Variants in NDEL1 observed in about 807,000 individuals in gnomAD.
NDEL1 encodes nuclear distribution protein nudE-like 1.
In NDEL1, 9 loss-of-function variants were observed where a neutral mutation model predicts 45.7. The ratio of observed to expected loss-of-function variants is 0.20; its 90% CI spans 0.12 to 0.34. NDEL1 has a LOEUF of 0.34. Ranked by LOEUF, NDEL1 falls within the 10% of genes least tolerant of loss-of-function variation. The probability of loss-of-function intolerance (pLI) is 1.00; values close to 1 mark genes in which losing one functional copy is unlikely to be tolerated. For synonymous variants in NDEL1, 133 were observed against 158.6 expected, an observed-to-expected ratio of 0.84 and a Z score of 1.21; for missense variants, 306 against 406.2, an observed-to-expected ratio of 0.75 and a Z score of 2.12.
At chr17:8,461,985 G>A (rs1389378518) in intron 8 of NDEL1, among the ~76,000 whole-genome samples, 1 of 151,966 alleles carries the variant, frequency 6.6e-6, no homozygotes, top group African/African-American at 2.4e-5. Flanking sequence ...ACTCCTGCCC[G>A]CCACTTGCCT....
chr17:8,472,635 C>T (rs907356299), downstream of NDEL1, among the ~76,000 whole-genome samples: 4 of 152,064 alleles, frequency 2.6e-5, no homozygotes, highest in African/African-American at 4.8e-5. Flanking sequence ...TGCGCTCCAG[C>T]CTGGGAGACA....
chr17:8,457,714 C>T (rs1910930362), intron 7 of NDEL1, among the ~76,000 whole-genome samples: 1 of 152,142 alleles, frequency 6.6e-6, no homozygotes, highest in South Asian at 2.1e-4. Context: ...TGTAGCCATT[C>T]CTCCTTTTTG....
chr17:8,433,908 T>C (rs1308344564), upstream of NDEL1, among the ~76,000 whole-genome samples: 1 of 152,224 alleles, frequency 6.6e-6, no homozygotes, highest in Non-Finnish European at 1.5e-5. Context: ...ATGTAATATG[T>C]TACCTTTCCC....
chr17:8,414,394 G>A (rs1449840727), intron 1 of NDEL1, among the ~76,000 whole-genome samples: 5 of 152,166 alleles, frequency 3.3e-5, no homozygotes, highest in South Asian at 2.1e-4. Context: ...ATGGCCGGGC[G>A]CGGTGGCTCA....
chr17:8,452,419 G>A (rs943799707), intron 6 of NDEL1, among the ~76,000 whole-genome samples: 2 of 152,054 alleles, frequency 1.3e-5, no homozygotes, highest in Non-Finnish European at 2.9e-5. Context: ...GCTGTGGCAC[G>A]GCATGAGGTG....
At chr17:8,444,808 G>A (rs1473851378) in intron 2 of NDEL1, 2 of 152,362 alleles carry the variant, frequency 1.3e-5, no homozygotes. Flanking sequence ...CAGGGGCATG[G>A]AACGTTTTAT....
chr17:8,460,080 A>G lies in NDEL1; in HGVS notation c.864A>G (p.Ser288=). Residue 288 remains serine (S), a synonymous_variant, in exon 8 of 9, where the codon TCA becomes TCG. Transcript: ENST00000334527. ...KDQASRKSYI[S]GNVNCGVLNG... is the part of the protein sequence containing the mutation. ...AAGCATCACGAAAATCCTATATTTC[A>G]GGGAATGTTAACTGTGGGGTGCTGA... 1.2e-6 allele frequency: 2 copies of G among 1,614,200 alleles called. No homozygotes were observed. The highest frequency in any genetic ancestry group is 1.7e-6 in the Non-Finnish European group (2 of 1,180,036).
At chr17:8,424,935 G>A (rs1268973373) in intron 1 of NDEL1, among the ~76,000 whole-genome samples, 1 of 152,170 alleles carries the variant, frequency 6.6e-6, no homozygotes, top group Admixed American at 6.6e-5. Flanking sequence ...CCACGGTGCT[G>A]GGATTATAGG....
chr17:8,463,337 T>G, intron 8 of NDEL1: 1 of 1,613,224 alleles, frequency 6.2e-7, no homozygotes, highest in East Asian at 2.2e-5. Flanking sequence ...AAAGTCATAT[T>G]TCCCACGTTG....
At chr17:8,466,555 A>C (rs1273712135) in intron 8 of NDEL1, 1 of 178,528 alleles carries the variant, frequency 5.6e-6, no homozygotes, top group African/African-American at 2.4e-5. Context: ...GCTATTAAAA[A>C]ACTTGTGGAA....
intron 8 of NDEL1, chr17:8,461,268 C>G (rs1911184456): frequency 6.6e-6 from 1 of 152,154 alleles, no homozygotes; most frequent in South Asian, 2.1e-4. Context: ...AGGCTCTTAT[C>G]CTTGCAGTGG....
intron 1 of NDEL1, among the ~76,000 whole-genome samples, chr17:8,442,838 G>T (rs1909841264): frequency 6.8e-6 from 1 of 147,924 alleles, no homozygotes; most frequent in South Asian, 2.1e-4. Flanking sequence ...CCCCCAGGCT[G>T]GAGTGCAGTG....
At position 8,427,199 on chromosome 17, in the gene NDEL1, A is replaced by T. The variant is rs571916718; in HGVS notation, c.-13+13930A>T. On this transcript the variant is annotated intron_variant, in intron 1 of 4. Transcript: ENST00000582812. ...ACTGATGGGAGAGCTGAGGTTTGGG[A>T]GTCTGAGCTGCTTTGAGTGGTCGGT... Among the ~76,000 whole-genome samples, 5 of 152,318 alleles carry T rather than the reference A, an allele frequency of 3.3e-5. No homozygotes were observed. The East Asian group carries it at 9.6e-4, about 29-fold the overall frequency.
At chr17:8,433,774 C>T (rs1909076575), upstream of NDEL1, among the ~76,000 whole-genome samples, 2 of 152,078 alleles carry the variant, frequency 1.3e-5, no homozygotes, top group South Asian at 4.1e-4. Context: ...CCTCAGCTTC[C>T]CAGAGTGCTG....
At chr17:8,445,620 G>A (rs1354426650) in intron 2 of NDEL1, 91 bp from the exon 3 acceptor site, 3 of 1,391,140 alleles carry the variant, frequency 2.2e-6, no homozygotes, top group East Asian at 5.3e-5. Context: ...TAGCATTCAA[G>A]CAAAAATTAT....
intron 1 of NDEL1, among the ~76,000 whole-genome samples, chr17:8,438,618 C>T (rs896513709): frequency 3.3e-5 from 5 of 151,688 alleles, no homozygotes; most frequent in Admixed American, 6.6e-5. Flanking sequence ...TGGACTCAAG[C>T]GATCCTCCCA....
chr17:8,428,349 TGTGTG>T (rs1567721201), intron 1 of NDEL1, among the ~76,000 whole-genome samples: 1 of 135,130 alleles, frequency 7.4e-6, no homozygotes. Flanking sequence ...TGTGTGTGTG[TGTGTG>T]TGTGTGTATT....
chr17:8,432,634 T>C (rs1909046819), upstream of NDEL1, among the ~76,000 whole-genome samples: 2 of 151,700 alleles, frequency 1.3e-5, no homozygotes, highest in Admixed American at 1.3e-4. Context: ...TCCGCCTGCC[T>C]CGGCTTCCCA....
At chr17:8,420,218 G>A (rs2151693118) in intron 1 of NDEL1, among the ~76,000 whole-genome samples, 1 of 152,258 alleles carries the variant, frequency 6.6e-6, no homozygotes, top group Non-Finnish European at 1.5e-5. Flanking sequence ...CTGTAAAGTG[G>A]GAACATGAAT....
Sources: allele counts gnomAD v4.1 joint callset (sites outside exome capture counted in the v4.1 genomes callset), GRCh38; gene constraint gnomAD v4.1.1; transcripts MANE v1.5; gene names NCBI Gene and HGNC (gene_info 2026-07-23, HGNC 2026-07-21).